The following WDFY3 variants were observed in gnomAD, a reference collection of about 807,000 sequenced individuals.
WDFY3 encodes WD repeat and FYVE domain-containing protein 3.
In WDFY3, 66 loss-of-function variants were observed where a neutral mutation model predicts 409.6. The observed-to-expected ratio is 0.16, with a 90% CI of 0.13 to 0.20. The LOEUF (loss-of-function observed/expected upper bound fraction) is 0.20, where lower values mean the gene tolerates loss of function less well. WDFY3 is among the 10% of genes least tolerant of loss of function. The pLI, the probability that WDFY3 is intolerant of heterozygous loss-of-function variation, is 1.00. For missense variants in WDFY3, 3,031 were observed against 4,298.1 expected (o/e 0.71, Z 8.24); for synonymous variants, 1,521 against 1,537.1 (o/e 0.99, Z 0.25).
intron 67 of WDFY3, among the ~76,000 whole-genome samples, chr4:84,674,586 T>C (rs1725939032): frequency 6.7e-6 from 1 of 148,234 alleles, no homozygotes; most frequent in African/African-American, 2.5e-5. Flanking sequence ...TATATATATA[T>C]AGGCTGGGTG....
intron 36 of WDFY3, among the ~76,000 whole-genome samples, chr4:84,751,029 A>C (rs1450396893): frequency 1.3e-5 from 2 of 152,390 alleles, no homozygotes; most frequent in Non-Finnish European, 1.5e-5. Flanking sequence ...GTTAATGTCC[A>C]GGGAAGGGGT....
At chr4:84,798,787 T>C (rs1749962511) in intron 17 of WDFY3, among the ~76,000 whole-genome samples, 1 of 152,152 alleles carries the variant, frequency 6.6e-6, no homozygotes, top group African/African-American at 2.4e-5. Context: ...GTGACACCAA[T>C]ATTGCCCCAA....
chr4:84,839,931 G>T (rs553588146), intron 6 of WDFY3, among the ~76,000 whole-genome samples: 2 of 152,010 alleles, frequency 1.3e-5, no homozygotes, highest in Non-Finnish European at 2.9e-5. Flanking sequence ...AGATCATTCC[G>T]AGGACAAAAT....
chr4:84,858,214 C>T (rs1394425721), intron 4 of WDFY3, among the ~76,000 whole-genome samples: 6 of 151,950 alleles, frequency 3.9e-5, no homozygotes, highest in Non-Finnish European at 7.4e-5. Context: ...TGAATTTAAC[C>T]CTCACGACAA....
intron 32 of WDFY3, among the ~76,000 whole-genome samples, chr4:84,761,285 G>T (rs1742547891): frequency 6.6e-6 from 1 of 152,166 alleles, no homozygotes; most frequent in African/African-American, 2.4e-5. Context: ...ATATTCTGTT[G>T]ATTTGGGGTG....
intron 10 of WDFY3, among the ~76,000 whole-genome samples, chr4:84,825,629 G>A (rs1754757473): frequency 6.6e-6 from 1 of 151,600 alleles, no homozygotes; most frequent in Admixed American, 6.6e-5. Flanking sequence ...ATGTACTGAG[G>A]GCACATCATA....
At chr4:84,677,502 T>C in intron 66 of WDFY3, 106 bp from the exon 67 acceptor site, 2 of 1,138,670 alleles carry the variant, frequency 1.8e-6, no homozygotes, top group Non-Finnish European at 1.2e-6. Context: ...TCGGGGCTGG[T>C]AAGGGTCCTG....
At chr4:84,783,576 T>C (rs1746950098) in intron 24 of WDFY3, among the ~76,000 whole-genome samples, 1 of 152,182 alleles carries the variant, frequency 6.6e-6, no homozygotes, top group Non-Finnish European at 1.5e-5. Flanking sequence ...GAGACACAGC[T>C]TCAGGGGTCT....
intron 1 of WDFY3, among the ~76,000 whole-genome samples, chr4:84,952,523 G>A (rs1773737637): frequency 6.6e-6 from 1 of 152,076 alleles, no homozygotes. Context: ...TATTTTCTCT[G>A]TCTTTTTCTT....
chr4:84,797,578 T>G (rs941070887), intron 18 of WDFY3, among the ~76,000 whole-genome samples: 3 of 151,130 alleles, frequency 2.0e-5, no homozygotes, highest in African/African-American at 7.3e-5. Flanking sequence ...ATTTATTTAT[T>G]TATTTATTTA....
At chr4:84,847,954 G>C (rs1758351585) in intron 5 of WDFY3, among the ~76,000 whole-genome samples, 1 of 150,722 alleles carries the variant, frequency 6.6e-6, no homozygotes. Context: ...CTCTATAGAA[G>C]AGATAGATGA....
chr4:84,865,769 C>A (rs1333199626), intron 3 of WDFY3, among the ~76,000 whole-genome samples: 4 of 152,070 alleles, frequency 2.6e-5, no homozygotes, highest in Admixed American at 2.6e-4. Context: ...TGACACGTTG[C>A]TCTTTTACAA....
chr4:84,828,926 C>G, intron 9 of WDFY3, 78 bp downstream of exon 9: 1 of 1,407,552 alleles, frequency 7.1e-7, no homozygotes, highest in Non-Finnish European at 9.5e-7. Flanking sequence ...TTTCCTATAA[C>G]CCCAAATCAC....
intron 24 of WDFY3, among the ~76,000 whole-genome samples, chr4:84,784,858 G>GTATATATATA (rs71670882): frequency 1.5e-3 from 132 of 88,982 alleles, no homozygotes; most frequent in South Asian, 1.9e-3. Flanking sequence ...AAGTGTATAT[G>GTATATATATA]TATATATATA....
chr4:84,680,351 G>A (rs1727149624), intron 64 of WDFY3, among the ~76,000 whole-genome samples: 1 of 152,138 alleles, frequency 6.6e-6, no homozygotes. Flanking sequence ...GTGTAGTGGA[G>A]CGATCATAGC....
intron 48 of WDFY3, among the ~76,000 whole-genome samples, chr4:84,717,723 A>G (rs984431440): frequency 3.3e-5 from 5 of 152,166 alleles, no homozygotes; most frequent in Non-Finnish European, 7.4e-5. Flanking sequence ...TGCTTTAGTC[A>G]TGCTGTTTCT....
In WDFY3 at chr4:84,672,817, G is replaced by T; in HGVS notation, c.*51C>A. On this transcript the variant is annotated 3_prime_UTR_variant, in exon 68 of 68. Coordinates refer to ENST00000295888, the MANE Select transcript of WDFY3 (RefSeq NM_014991.6). ...CAATGCCTTCCAAGCTGGGACAGGA[G>T]AATCGGGAAGGGGTCTACAGACCAT... The T allele has an allele frequency of 6.2e-7, 1 of 1,603,304 alleles. No homozygotes were observed. Among genetic ancestry groups the T allele is most frequent in the Non-Finnish European group, 8.5e-7 (1 of 1,175,156 alleles).
rs571069234 is a variant in WDFY3, at chr4:84,693,144, T to C, written c.8902-112A>G. 116 of 1,135,364 alleles carry C rather than the reference T, an allele frequency of 1.0e-4. No homozygotes were observed. The African/African-American group carries it at 1.7e-3, about 17-fold the overall frequency. 70.3% of individuals were successfully genotyped at this position (1,135,364 alleles called of 1,614,324 possible). On this transcript the variant is annotated intron_variant, in intron 58 of 67. Coordinates refer to ENST00000295888, the MANE Select transcript of WDFY3 (RefSeq NM_014991.6). ...ATTAAGGTTCACAAGAACTATTAGG[T>C]ACTATATTATCCTCATTTTACACCC...
Position 84,682,363 on chromosome 4 carries a change from G to A in WDFY3, c.9823+11C>T, listed in dbSNP as rs751953981. ...AAACGATTTGAGTCATTTTTAGAAA[G>A]TATTAAATACCTATTTGTGCTTCTG... On this transcript the variant is annotated intron_variant, in intron 64 of 67. Coordinates refer to ENST00000295888, the MANE Select transcript of WDFY3 (RefSeq NM_014991.6). 1.2e-6 allele frequency: 2 copies of A among 1,607,964 alleles called. No homozygotes were observed. Among genetic ancestry groups the A allele is most frequent in the Non-Finnish European group, 1.7e-6 (2 of 1,175,580 alleles).
Sources: gnomAD v4.1 joint callset for allele counts (sites outside exome capture counted in the v4.1 genomes callset) on GRCh38, gnomAD v4.1.1 for gene constraint, MANE v1.5 for transcripts, NCBI Gene and HGNC (gene_info 2026-07-23, HGNC 2026-07-21) for gene names.